AHR: variants seen among roughly 807,000 people sequenced by gnomAD.
AHR encodes the protein aryl hydrocarbon receptor, also known as AH-receptor.
Under a neutral mutation model 86.8 loss-of-function variants are expected in AHR, and 40 were observed. The observed-to-expected ratio is 0.46, with a 90% confidence interval of 0.36 to 0.60. AHR has a LOEUF of 0.60. Ranked by LOEUF, AHR falls within the 20% of genes least tolerant of loss-of-function variation. The pLI, the probability that AHR is intolerant of heterozygous loss-of-function variation, is 0.00. For synonymous variants in AHR, 398 were observed against 354.9 expected (o/e 1.12, Z -1.37); for missense variants, 1,001 against 1,011.6 (o/e 0.99, Z 0.14).
At chr7:17,315,507 G>A (rs564745618) in intron 2 of AHR, among the ~76,000 whole-genome samples, 1 of 151,860 alleles carries the variant, frequency 6.6e-6, no homozygotes, top group East Asian at 1.9e-4. Context: ...GTCTTGCATG[G>A]TTCTAGAATC....
chr7:17,334,559 C>G (rs1336595784), intron 7 of AHR, among the ~76,000 whole-genome samples: 1 of 151,840 alleles, frequency 6.6e-6, no homozygotes, highest in Non-Finnish European at 1.5e-5. Context: ...AACCTTCTTC[C>G]CTAAAAATAG....
Position 17,309,942 on chromosome 7 carries a change from G to T in AHR, c.72G>T (p.Lys24Asn). ...KRRKPVQKTV[K>N]PIPAEGIKSN... ...TATTTTGTTTGTTTTTCAGAGTAAA[G>T]CCAATCCCAGCTGAAGGAATCAAGT... Residue 24 changes from lysine to asparagine, a missense_variant, in exon 2 of 11, where the codon AAG becomes AAT. By Grantham distance (94) the Lys-to-Asn change is moderately conservative. Around this residue, in one of 2 missense-constraint regions of AHR, gnomAD observed 394 missense variants for 468.5 expected, o/e 0.84. Coordinates refer to ENST00000242057, the MANE Select transcript of AHR (RefSeq NM_001621.5). 6.3e-7 allele frequency: 1 copy of T among 1,575,656 alleles called. No individual in the cohort carries two copies. Among genetic ancestry groups the T allele is most frequent in the Non-Finnish European group, 8.7e-7 (1 of 1,152,772 alleles).
intron 10 of AHR, among the ~76,000 whole-genome samples, chr7:17,342,509 G>C (rs547669797): frequency 3.3e-5 from 5 of 152,126 alleles, no homozygotes; most frequent in Non-Finnish European, 7.4e-5. Flanking sequence ...TCCAGTGTAA[G>C]ATTCCTGAAT....
intron 7 of AHR, 77 bp downstream of exon 7, chr7:17,334,191 T>G (rs1782331309): frequency 1.6e-6 from 2 of 1,278,892 alleles, no homozygotes; most frequent in Admixed American, 1.7e-5. Context: ...ATGTAAAACA[T>G]ACAGTGTATG....
In AHR at chr7:17,339,509, T is replaced by G; in HGVS notation, c.1684T>G (p.Phe562Val). ...CAGACACATGCAGAATGAAAAATTTTTCAGAAATGATTTTTCTGGTGAGGT... is the reference window on the plus strand; with the variant it reads ...CAGACACATGCAGAATGAAAAATTTGTCAGAAATGATTTTTCTGGTGAGGT... ...DIRHMQNEKF[F>V]RNDFSGEVDF... Residue 562 changes from phenylalanine (F) to valine (V), a missense_variant, in exon 10 of 11, where the codon TTC becomes GTC. This residue lies in a region of AHR where 607 missense variants were observed against 543.1 expected (regional missense o/e 1.12). Transcript: ENST00000242057. The G allele has an allele frequency of 6.2e-7, 1 of 1,614,042 alleles. No individual in the cohort carries two copies. Among genetic ancestry groups the G allele is most frequent in the South Asian group, 1.1e-5 (1 of 91,062 alleles).
intron 4 of AHR, among the ~76,000 whole-genome samples, chr7:17,329,119 A>T (rs372725335): frequency 6.6e-6 from 1 of 151,928 alleles, no homozygotes; most frequent in African/African-American, 2.4e-5. Flanking sequence ...AAGAATATTC[A>T]TATCTGACGC....
rs576474005 is a variant in AHR, at chr7:17,327,463, T to A, written c.361-296T>A. Among the ~76,000 whole-genome samples the A allele has an allele frequency of 6.6e-5, 10 of 152,030 alleles. 1 individual carries two copies. In the East Asian group the frequency reaches 1.5e-3, roughly 23 times the overall value. On this transcript the variant is annotated intron_variant, in intron 3 of 10. Coordinates refer to ENST00000242057, the MANE Select transcript of AHR (RefSeq NM_001621.5). Reference sequence around the variant, plus strand: ...AGTGAATGATGTCTAGTTTGTTTTTTAAAAAATATATACAATATATTTAAA... The same window carrying A: ...AGTGAATGATGTCTAGTTTGTTTTTAAAAAAATATATACAATATATTTAAA...
At chr7:17,337,722 G>A (rs1381932332) in intron 9 of AHR, among the ~76,000 whole-genome samples, 12 of 151,172 alleles carry the variant, frequency 7.9e-5, no homozygotes, top group Admixed American at 3.3e-4. Context: ...TGATCCGCCC[G>A]CCTCAGCCTC....
chr7:17,309,339 C>G (rs528044852), intron 1 of AHR, among the ~76,000 whole-genome samples: 1 of 152,272 alleles, frequency 6.6e-6, no homozygotes, highest in Admixed American at 6.5e-5. Flanking sequence ...TAGCAAAAGT[C>G]AAATTTATTC....
intron 10 of AHR, 42 bp from the exon 11 acceptor site, chr7:17,342,879 A>G (rs1470239011): frequency 2.5e-6 from 4 of 1,581,130 alleles, no homozygotes; most frequent in Non-Finnish European, 3.5e-6. Flanking sequence ...AGATACTTGG[A>G]AGATCTATTC....
chr7:17,304,051 G>C (rs1017957640), intron 1 of AHR, among the ~76,000 whole-genome samples: 1 of 151,880 alleles, frequency 6.6e-6, no homozygotes, highest in African/African-American at 2.4e-5. Context: ...CATTTGTTTT[G>C]TCTTACATTT....
intron 9 of AHR, among the ~76,000 whole-genome samples, chr7:17,337,087 T>C: frequency 6.6e-6 from 1 of 152,274 alleles, no homozygotes; most frequent in East Asian, 1.9e-4. Flanking sequence ...TTTGTTTTTA[T>C]TTTTATTCAT....
intron 4 of AHR, among the ~76,000 whole-genome samples, chr7:17,328,705 C>T (rs1782253892): frequency 6.6e-6 from 1 of 151,844 alleles, no homozygotes; most frequent in Non-Finnish European, 1.5e-5. Flanking sequence ...TAGACTAGAG[C>T]TTCAACTATA....
At position 17,343,170 on chromosome 7, in the gene AHR, A is replaced by AT; in HGVS notation, c.*108dup. On this transcript the variant is annotated 3_prime_UTR_variant, in exon 11 of 11. Transcript: ENST00000242057. ...GACGTCAGCAAGTTCACATGGAGGC[A>AT]TTGATGCATGCTATTCACAATTATT... The AT allele has an allele frequency of 7.8e-7, 1 of 1,289,362 alleles. No individual in the cohort carries two copies. The highest frequency in any genetic ancestry group is 1.1e-6 in the Non-Finnish European group (1 of 900,118). 79.9% of individuals were successfully genotyped at this position (1,289,362 alleles called of 1,614,324 possible).
rs1782477983 is a variant in AHR at position 17,345,877 on chromosome 7, G to A, written c.*2813G>A. ...TGTGCACATCTAAGGATATGGATGT[G>A]TCTAATTTAGTCTTTTCCTGTACCA... On this transcript the variant is annotated 3_prime_UTR_variant, in exon 11 of 11. Transcript: ENST00000242057. 1 of 104,300 alleles carries A rather than the reference G, an allele frequency of 9.6e-6. No homozygotes were observed. Among genetic ancestry groups the A allele is most frequent in the African/African-American group, 2.9e-5 (1 of 34,408 alleles). 6.5% of individuals were successfully genotyped at this position (104,300 alleles called of 1,614,324 possible).
chr7:17,306,600 C>G (rs1400730391), intron 1 of AHR, among the ~76,000 whole-genome samples: 1 of 152,022 alleles, frequency 6.6e-6, no homozygotes, highest in East Asian at 1.9e-4. Flanking sequence ...AGCCCTATAC[C>G]TAAATGTTGG....
At position 17,339,012 on chromosome 7, in the gene AHR, G is replaced by C; in HGVS notation, c.1187G>C (p.Arg396Pro). 3.7e-6 allele frequency: 6 copies of C among 1,613,660 alleles called. No individual in the cohort carries two copies. Among genetic ancestry groups the C allele is most frequent in the Non-Finnish European group, 5.1e-6 (6 of 1,179,790 alleles). The change falls in exon 10 of 11, where the codon CGA (arginine) becomes CCA (proline). Residue 396 changes from arginine to proline, a missense_variant. Arg to Pro is a moderately radical substitution (Grantham distance 103, BLOSUM62 -2). This residue lies in a region of AHR where 607 missense variants were observed against 543.1 expected (regional missense o/e 1.12). Coordinates refer to ENST00000242057, the MANE Select transcript of AHR (RefSeq NM_001621.5). ...LTDEEGTEHLRKRNTKLPFMF... is the reference protein window; with the variant it reads ...LTDEEGTEHLPKRNTKLPFMF... ...GATGAGGAAGGAACAGAGCATTTACGAAAACGAAATACGAAGTTGCCTTTT... is the reference window on the plus strand; with the variant it reads ...GATGAGGAAGGAACAGAGCATTTACCAAAACGAAATACGAAGTTGCCTTTT...
chr7:17,328,461 G>A (rs6960165), intron 4 of AHR, among the ~76,000 whole-genome samples: 123,263 of 151,848 alleles, frequency 0.81, 50,648 homozygotes, highest in African/African-American at 0.94. Context: ...TATTGGAAGG[G>A]CAAGAACATC....
intron 2 of AHR, among the ~76,000 whole-genome samples, chr7:17,320,115 G>A (rs978637918): frequency 6.6e-6 from 1 of 152,008 alleles, no homozygotes; most frequent in Non-Finnish European, 1.5e-5. Flanking sequence ...AAGCATTGTT[G>A]TTTAGAAAGA....
Sources: allele counts gnomAD v4.1 joint callset (sites outside exome capture counted in the v4.1 genomes callset), GRCh38; gene constraint gnomAD v4.1.1; regional missense constraint gnomAD v4.1.1; transcripts MANE v1.5; gene names NCBI Gene and HGNC (gene_info 2026-07-23, HGNC 2026-07-21).